RNF26: variants seen among roughly 807,000 people sequenced by gnomAD.
RNF26 encodes the protein E3 ubiquitin-protein ligase RNF26.
RNF26 carries 8 observed loss-of-function variants against 25.4 expected under a neutral mutation model. That is an observed-to-expected ratio of 0.31 (90% CI 0.18 to 0.57). The LOEUF (loss-of-function observed/expected upper bound fraction) is 0.57. Ranked by LOEUF, RNF26 falls within the 20% of genes least tolerant of loss-of-function variation. RNF26 has a pLI of 0.90. For missense variants in RNF26, 470 were observed against 552.0 expected (o/e 0.85, Z 1.49); for synonymous variants, 262 against 246.7 (o/e 1.06, Z -0.58).
At position 119,335,233 on chromosome 11, in the gene RNF26, C is replaced by T. The variant is rs1950433168; in HGVS notation, c.111C>T (p.Ala37=). Residue 37 remains alanine (A), a synonymous_variant, in exon 1 of 1, where the codon GCC becomes GCT. Transcript: ENST00000311413. The part of the protein sequence containing the change: ...LLVSSLLASL[A]WLLAFVYNLP... Reference sequence around the variant, plus strand: ...TGTCCTCCCTCCTGGCTTCCCTGGCCTGGCTCCTGGCCTTCGTCTACAACC... The same window carrying T: ...TGTCCTCCCTCCTGGCTTCCCTGGCTTGGCTCCTGGCCTTCGTCTACAACC... 1 of 1,614,186 alleles carries T rather than the reference C, an allele frequency of 6.2e-7. No homozygotes were observed. The highest frequency in any genetic ancestry group is 8.5e-7 in the Non-Finnish European group (1 of 1,180,042).
rs1257499092 is a variant in RNF26, at chr11:119,336,339, A to G, written c.1217A>G (p.Glu406Gly). The stretch of plus-strand genomic sequence containing the variant: ...CTGTGCCTGTGCCAGGCCTGCACTG[A>G]AATCCTGATGCGCCACCCCGTCTAC... Reference protein sequence around the residue: ...RHLCLCQACTEILMRHPVYHR... With the variant: ...RHLCLCQACTGILMRHPVYHR... The change falls in exon 1 of 1, where the codon GAA becomes GGA. Residue 406 changes from glutamate to glycine, a missense_variant. By Grantham distance (98) the Glu-to-Gly change is moderately conservative. Transcript: ENST00000311413. The G allele has an allele frequency of 3.7e-6, 6 of 1,612,500 alleles. No homozygotes were observed. The highest frequency in any genetic ancestry group is 5.1e-6 in the Non-Finnish European group (6 of 1,180,014).
chr11:119,336,689 C>A lies in RNF26; in HGVS notation c.*265C>A. 1 of 531,808 alleles carries A rather than the reference C, an allele frequency of 1.9e-6. No homozygotes were observed. The highest frequency in any genetic ancestry group is 3.2e-5 in the East Asian group (1 of 31,240). 32.9% of individuals were successfully genotyped at this position (531,808 alleles called of 1,614,324 possible). A position where few individuals can be genotyped will look rare whatever the true frequency, so the allele number is the denominator to read the frequency against. ...GGGCCCTGAGACTATTTGCTGTGGG[C>A]TCTCCTCCAGCCTGCCCAGGGCCCA... On this transcript the variant is annotated 3_prime_UTR_variant, in exon 1 of 1. Transcript: ENST00000311413.
chr11:119,336,099 A>G lies in RNF26; in HGVS notation c.977A>G (p.Asp326Gly). The change falls in exon 1 of 1, where the codon GAC (aspartate) becomes GGC (glycine). Residue 326 changes from aspartate (D) to glycine (G), a missense_variant. Physicochemically the swap from Asp to Gly is moderately conservative, Grantham distance 94. Transcript: ENST00000311413. ...RVFSVRTRRQ[D>G]TLPEAGRRSE... Reference sequence around the variant, plus strand: ...TTCTCAGTTAGGACCCGGAGACAGGACACTCTTCCTGAAGCGGGGCGCAGA... The same window carrying G: ...TTCTCAGTTAGGACCCGGAGACAGGGCACTCTTCCTGAAGCGGGGCGCAGA... 6.2e-7 allele frequency: 1 copy of G among 1,614,130 alleles called. No homozygotes were observed.
rs1329826265 is a variant in RNF26 at position 119,336,309 on chromosome 11, G to A, written c.1187G>A (p.Arg396Gln). ...AAGACAGTGTTGCTCCTGCCCTGCC[G>A]GCATCTGTGCCTGTGCCAGGCCTGC... The part of the protein sequence containing the change: ...QSKTVLLLPC[R>Q]HLCLCQACTE... The change falls in exon 1 of 1, where the codon CGG becomes CAG. Residue 396 changes from arginine (R) to glutamine (Q), a missense_variant. Physicochemically the swap from Arg to Gln is conservative, Grantham distance 43 (BLOSUM62 1). Transcript: ENST00000311413. The A allele has an allele frequency of 2.5e-6, 4 of 1,613,122 alleles. No homozygotes were observed. Among genetic ancestry groups the A allele is most frequent in the Admixed American group, 1.7e-5 (1 of 60,004 alleles).
chr11:119,335,436 C>T lies in RNF26; in HGVS notation c.314C>T (p.Ser105Phe), dbSNP rs1950434438. ...ESLKLLGHLA[S>F]HGALRSREIL... ...CTAAAGCTCCTGGGGCACCTGGCCT[C>T]TCATGGGGCACTGCGGAGCAGGGAG... Residue 105 changes from serine to phenylalanine, a missense_variant, in exon 1 of 1, where the codon TCT (serine) becomes TTT (phenylalanine). Ser to Phe is a radical substitution (Grantham distance 155, BLOSUM62 -2). Coordinates refer to ENST00000311413, the MANE Select transcript of RNF26 (RefSeq NM_032015.5). 1 of 1,613,978 alleles carries T rather than the reference C, an allele frequency of 6.2e-7. No individual in the cohort carries two copies. Among genetic ancestry groups the T allele is most frequent in the Non-Finnish European group, 8.5e-7 (1 of 1,179,920 alleles).
rs1403044286 is a variant in RNF26, at chr11:119,336,468, C to T, written c.*44C>T. The T allele has an allele frequency of 3.2e-6, 5 of 1,544,038 alleles. No individual in the cohort carries two copies. Among genetic ancestry groups the T allele is most frequent in the African/African-American group, 2.7e-5 (2 of 73,706 alleles). ...CCCACCCCTCCATGCTCCACGCAGG[C>T]ACTCACGCTAGGACAGCATTAACAC... On this transcript the variant is annotated 3_prime_UTR_variant, in exon 1 of 1. Coordinates refer to ENST00000311413, the MANE Select transcript of RNF26 (RefSeq NM_032015.5).
Position 119,335,548 on chromosome 11 carries a change from C to G in RNF26, c.426C>G (p.Ser142Arg), listed in dbSNP as rs745628951. The G allele has an allele frequency of 6.2e-7, 1 of 1,614,034 alleles. No homozygotes were observed. Among genetic ancestry groups the G allele is most frequent in the Non-Finnish European group, 8.5e-7 (1 of 1,179,926 alleles). ...QACDICAIAM[S>R]LVAYVINSLV... ...GTGACATCTGTGCCATTGCCATGAG[C>G]CTGGTGGCTTATGTGATCAACAGCC... Residue 142 changes from serine (S) to arginine (R), a missense_variant, in exon 1 of 1, where the codon AGC (serine) becomes AGG (arginine). Transcript: ENST00000311413.
At position 119,336,532 on chromosome 11, in the gene RNF26, T is replaced by C. The variant is rs893150171; in HGVS notation, c.*108T>C. 3.2e-6 allele frequency: 3 copies of C among 945,076 alleles called. No homozygotes were observed. The highest frequency in any genetic ancestry group is 3.2e-6 in the Non-Finnish European group (2 of 625,578). The allele number at this position is 945,076 out of a possible 1,614,324, so 58.5% of individuals were successfully genotyped here. ...CCTGGTCTGAATCCCCTCCTACCCC[T>C]GTGGCCATCCTGCCATACATCCAGG... On this transcript the variant is annotated 3_prime_UTR_variant, in exon 1 of 1. Transcript: ENST00000311413.
rs753879213 is a variant in RNF26 at position 119,335,719 on chromosome 11, C to T, written c.597C>T (p.Ala199=). Residue 199 remains alanine (A), a synonymous_variant, in exon 1 of 1, where the codon GCC becomes GCT. Transcript: ENST00000311413. ...AHISSSAVAM[A]ILLWTPCQLA... ...TTTCCAGCAGTGCTGTGGCCATGGCCATCCTCCTTTGGACACCCTGCCAAC... is the reference window on the plus strand; with the variant it reads ...TTTCCAGCAGTGCTGTGGCCATGGCTATCCTCCTTTGGACACCCTGCCAAC... 17 of 1,614,106 alleles carry T rather than the reference C, an allele frequency of 1.1e-5. No homozygotes were observed. The highest frequency in any genetic ancestry group is 1.7e-5 in the Admixed American group (1 of 60,010).
In RNF26 at chr11:119,335,263, G is replaced by A. The variant is rs1950433356; in HGVS notation, c.141G>A (p.Pro47=). The A allele has an allele frequency of 2.5e-6, 4 of 1,613,994 alleles. No individual in the cohort carries two copies. The South Asian group carries it at 3.3e-5, about 13-fold the overall frequency. The change falls in exon 1 of 1, where the codon CCG becomes CCA. Residue 47 remains proline (P), a synonymous_variant. Transcript: ENST00000311413. ...TCCTGGCCTTCGTCTACAACCTGCC[G>A]CACACGGTACTGACTAGTCTTCTGC... ...AWLLAFVYNL[P]HTVLTSLLHL...
rs779473222 is a variant in RNF26, at chr11:119,336,378, C to T, written c.1256C>T (p.Pro419Leu). The T allele has an allele frequency of 1.4e-5, 23 of 1,611,498 alleles. No homozygotes were observed. Among genetic ancestry groups the T allele is most frequent in the African/African-American group, 4.0e-5 (3 of 74,932 alleles). The change falls in exon 1 of 1, where the codon CCG (proline) becomes CTG (leucine). Residue 419 changes from proline (P) to leucine (L), a missense_variant. Transcript: ENST00000311413. Reference sequence around the variant, plus strand: ...CACCCCGTCTACCACCGCAATTGCCCGCTCTGCCGCCGGGGCATCCTGCAG... The same window carrying T: ...CACCCCGTCTACCACCGCAATTGCCTGCTCTGCCGCCGGGGCATCCTGCAG... ...MRHPVYHRNC[P>L]LCRRGILQTL...
chr11:119,334,709 G>T lies in RNF26; in HGVS notation c.-414G>T. On this transcript the variant is annotated 5_prime_UTR_variant, in exon 1 of 1. Coordinates refer to ENST00000311413, the MANE Select transcript of RNF26 (RefSeq NM_032015.5). ...CGCCCAGCTTACATCGACCCCACCC[G>T]GCCCCGGCCCGACCCGACGCGACCC... 5.0e-6 allele frequency: 1 copy of T among 198,262 alleles called. No homozygotes were observed. The highest frequency in any genetic ancestry group is 1.1e-5 in the Non-Finnish European group (1 of 94,688). 12.3% of individuals were successfully genotyped at this position (198,262 alleles called of 1,614,324 possible).
At position 119,336,324 on chromosome 11, in the gene RNF26, G is replaced by T; in HGVS notation, c.1202G>T (p.Cys401Phe). ...CTGCCCTGCCGGCATCTGTGCCTGT[G>T]CCAGGCCTGCACTGAAATCCTGATG... ...LLLPCRHLCL[C>F]QACTEILMRH... Residue 401 changes from cysteine (C) to phenylalanine (F), a missense_variant, in exon 1 of 1, where the codon TGC becomes TTC. Physicochemically the swap from Cys to Phe is radical, Grantham distance 205. Transcript: ENST00000311413. 6.2e-7 allele frequency: 1 copy of T among 1,612,914 alleles called. No individual in the cohort carries two copies.
chr11:119,335,795 C>T lies in RNF26; in HGVS notation c.673C>T (p.Leu225Phe), dbSNP rs746399219. 1.3e-5 allele frequency: 21 copies of T among 1,613,636 alleles called. No homozygotes were observed. The South Asian group carries it at 2.1e-4, about 16-fold the overall frequency. Reference protein sequence around the residue: ...SAARLLASFVLVNLTGLVLLA... With the variant: ...SAARLLASFVFVNLTGLVLLA... ...TGCCCGCCTCCTGGCCAGCTTTGTG[C>T]TTGTCAATCTCACTGGCTTGGTGTT... The change falls in exon 1 of 1, where the codon CTT becomes TTT. Residue 225 changes from leucine to phenylalanine, a missense_variant. Coordinates refer to ENST00000311413, the MANE Select transcript of RNF26 (RefSeq NM_032015.5).
Position 119,335,764 on chromosome 11 carries a change from C to T in RNF26, c.642C>T (p.Ala214=). The T allele has an allele frequency of 6.2e-7, 1 of 1,614,194 alleles. No homozygotes were observed. The highest frequency in any genetic ancestry group is 8.5e-7 in the Non-Finnish European group (1 of 1,180,044). ...GCCAACTAGCCCTGGAGCTGCTGGCCTCAGCTGCCCGCCTCCTGGCCAGCT... is the reference window on the plus strand; with the variant it reads ...GCCAACTAGCCCTGGAGCTGCTGGCTTCAGCTGCCCGCCTCCTGGCCAGCT... The part of the protein sequence containing the change: ...TPCQLALELL[A]SAARLLASFV... The change falls in exon 1 of 1, where the codon GCC becomes GCT. Residue 214 remains alanine, a synonymous_variant. Transcript: ENST00000311413.
rs1305307809 is a variant in RNF26, at chr11:119,335,077, A to G, written c.-46A>G. 2 of 1,511,198 alleles carry G rather than the reference A, an allele frequency of 1.3e-6. No homozygotes were observed. Among genetic ancestry groups the G allele is most frequent in the Non-Finnish European group, 1.8e-6 (2 of 1,100,008 alleles). The allele number at this position is 1,511,198 out of a possible 1,614,324, so 93.6% of individuals were successfully genotyped here. A position where few individuals can be genotyped will look rare whatever the true frequency, so the allele number is the denominator to read the frequency against. On this transcript the variant is annotated 5_prime_UTR_variant, in exon 1 of 1. Coordinates refer to ENST00000311413, the MANE Select transcript of RNF26 (RefSeq NM_032015.5). ...TATTGACAACCTTGACAACCCCCCA[A>G]CCGAGGAGCCAGACTTTGTTTTGGA...
At position 119,335,069 on chromosome 11, in the gene RNF26, AC is replaced by A. The variant is rs1565288583; in HGVS notation, c.-48del. 5 of 1,428,564 alleles carry A rather than the reference AC, an allele frequency of 3.5e-6. No individual in the cohort carries two copies. In the Admixed American group the frequency reaches 5.7e-5, roughly 16 times the overall value. 88.5% of individuals were successfully genotyped at this position (1,428,564 alleles called of 1,614,324 possible). On this transcript the variant is annotated 5_prime_UTR_variant, in exon 1 of 1. Coordinates refer to ENST00000311413, the MANE Select transcript of RNF26 (RefSeq NM_032015.5). ...CCCTAAAATATTGACAACCTTGACAACCCCCCAACCGAGGAGCCAGACTTTG... is the reference window on the plus strand; with the variant it reads ...CCCTAAAATATTGACAACCTTGACAACCCCCAACCGAGGAGCCAGACTTTG...
In RNF26 at chr11:119,335,443, G is replaced by C. The variant is rs891684288; in HGVS notation, c.321G>C (p.Gly107=). The C allele has an allele frequency of 1.2e-6, 2 of 1,613,906 alleles. No individual in the cohort carries two copies. The highest frequency in any genetic ancestry group is 1.7e-6 in the Non-Finnish European group (2 of 1,179,926). ...TCCTGGGGCACCTGGCCTCTCATGGGGCACTGCGGAGCAGGGAGATACTGC... is the reference window on the plus strand; with the variant it reads ...TCCTGGGGCACCTGGCCTCTCATGGCGCACTGCGGAGCAGGGAGATACTGC... ...LKLLGHLASH[G]ALRSREILHR... Residue 107 remains glycine, a synonymous_variant, in exon 1 of 1, where the codon GGG becomes GGC. Transcript: ENST00000311413.
Position 119,335,750 on chromosome 11 carries a change from C to G in RNF26, c.628C>G (p.Leu210Val). The G allele has an allele frequency of 8.1e-6, 13 of 1,614,226 alleles. No individual in the cohort carries two copies. Among genetic ancestry groups the G allele is most frequent in the Non-Finnish European group, 1.1e-5 (13 of 1,180,048 alleles). Reference sequence around the variant, plus strand: ...CCTTTGGACACCCTGCCAACTAGCCCTGGAGCTGCTGGCCTCAGCTGCCCG... The same window carrying G: ...CCTTTGGACACCCTGCCAACTAGCCGTGGAGCTGCTGGCCTCAGCTGCCCG... Reference protein sequence around the residue: ...ILLWTPCQLALELLASAARLL... With the variant: ...ILLWTPCQLAVELLASAARLL... Residue 210 changes from leucine to valine, a missense_variant, in exon 1 of 1, where the codon CTG becomes GTG. Transcript: ENST00000311413.
Sources: gnomAD v4.1 joint callset for allele counts on GRCh38, gnomAD v4.1.1 for gene constraint, MANE v1.5 for transcripts, NCBI Gene and HGNC (gene_info 2026-07-23, HGNC 2026-07-21) for gene names.